Variants in ARMC8 observed in about 807,000 individuals in gnomAD.
ARMC8 encodes armadillo repeat-containing protein 8.
A neutral mutation model predicts 99.3 loss-of-function variants in ARMC8; 20 were observed. That is an observed-to-expected ratio of 0.20 (90% CI 0.14 to 0.29). The LOEUF is 0.29. ARMC8 is among the 10% of genes least tolerant of loss of function. The pLI is 1.00. For synonymous variants in ARMC8, 263 were observed against 278.3 expected (o/e 0.95, Z 0.55); for missense variants, 569 against 809.5 (o/e 0.70, Z 3.60).
chr3:138,200,554 C>G (rs949786417), intron 1 of ARMC8, among the ~76,000 whole-genome samples: 1 of 152,160 alleles, frequency 6.6e-6, no homozygotes, highest in African/African-American at 2.4e-5. Flanking sequence ...CCCAGGACAT[C>G]TAGCATCTTT....
intron 9 of ARMC8, chr3:138,238,669 A>G (rs1355322990): frequency 3.9e-5 from 6 of 152,238 alleles, no homozygotes; most frequent in Non-Finnish European, 5.9e-5. Flanking sequence ...GAAAAACAAT[A>G]TGGTAACAAG....
chr3:138,270,007 G>T, intron 15 of ARMC8, 33 bp from the exon 16 acceptor site: 2 of 1,480,328 alleles, frequency 1.4e-6, no homozygotes, highest in Non-Finnish European at 1.9e-6. Flanking sequence ...GGACTTTAAA[G>T]CTGTGATTTT....
rs577908384 is a variant in ARMC8 at position 138,229,401 on chromosome 3, T to C, written c.528+391T>C. ...TAGATTTATTTGTCCAGTCCTCTAT[T>C]GTGGAGCATTTAGTTTGTTTCCAGT... On this transcript the variant is annotated intron_variant, in intron 6 of 21. Transcript: ENST00000469044. Among the ~76,000 whole-genome samples the C allele has an allele frequency of 2.0e-5, 3 of 150,700 alleles. No individual in the cohort carries two copies. The East Asian group carries it at 5.8e-4, about 29-fold the overall frequency.
chr3:138,270,461 A>G (rs990414256), intron 16 of ARMC8, among the ~76,000 whole-genome samples: 1 of 152,210 alleles, frequency 6.6e-6, no homozygotes, highest in Non-Finnish European at 1.5e-5. Context: ...AAGCACTTTC[A>G]TATCTCCTTT....
intron 2 of ARMC8, among the ~76,000 whole-genome samples, 171 bp downstream of exon 2, chr3:138,210,064 T>G (rs1382565521): frequency 6.6e-6 from 1 of 152,256 alleles, no homozygotes; most frequent in Non-Finnish European, 1.5e-5. Context: ...CATAAAGAAT[T>G]GTCTTTTGAA....
chr3:138,292,967 G>A (rs1180176578), intron 21 of ARMC8, among the ~76,000 whole-genome samples: 2 of 152,142 alleles, frequency 1.3e-5, no homozygotes, highest in Non-Finnish European at 2.9e-5. Context: ...GACGGTGGCC[G>A]TTTATCCTTC....
chr3:138,187,953 AC>A (rs2043163134), intron 1 of ARMC8: 1 of 339,740 alleles, frequency 2.9e-6, no homozygotes, highest in African/African-American at 2.1e-5. Flanking sequence ...CGGGGGCCGA[AC>A]GCTCTGCCTT....
intron 12 of ARMC8, among the ~76,000 whole-genome samples, chr3:138,248,869 T>C (rs955332385): frequency 2.0e-5 from 3 of 152,222 alleles, no homozygotes; most frequent in African/African-American, 7.2e-5. Flanking sequence ...AGTAAACACA[T>C]TGCAAATGTT....
At chr3:138,278,327 G>A (rs2049511429) in intron 18 of ARMC8, among the ~76,000 whole-genome samples, 1 of 152,008 alleles carries the variant, frequency 6.6e-6, no homozygotes, top group South Asian at 2.1e-4. Flanking sequence ...GCAACATGGT[G>A]AAGCCCTGTC....
intron 11 of ARMC8, among the ~76,000 whole-genome samples, chr3:138,242,537 T>C (rs2046676572): frequency 6.6e-6 from 1 of 152,210 alleles, no homozygotes; most frequent in Non-Finnish European, 1.5e-5. Context: ...CTAAGTTCCT[T>C]AGAATAGATC....
At chr3:138,239,385 T>A in intron 9 of ARMC8, 83 bp from the exon 10 acceptor site, 5 of 1,092,722 alleles carry the variant, frequency 4.6e-6, no homozygotes, top group Admixed American at 2.4e-5. Context: ...TTCGATTTTT[T>A]AATAAAATCT....
At chr3:138,287,190 G>T (rs747483871) in intron 19 of ARMC8, among the ~76,000 whole-genome samples, 3 of 152,156 alleles carry the variant, frequency 2.0e-5, no homozygotes, top group Non-Finnish European at 2.9e-5. Flanking sequence ...TCTTTCAGGG[G>T]CTTCCTCTCA....
intron 18 of ARMC8, among the ~76,000 whole-genome samples, chr3:138,278,710 T>G (rs2049559404): frequency 6.6e-6 from 1 of 152,210 alleles, no homozygotes; most frequent in African/African-American, 2.4e-5. Context: ...CCCAATTATT[T>G]AGGTCTTCTT....
At chr3:138,283,214 A>G (rs1268469766) in intron 18 of ARMC8, among the ~76,000 whole-genome samples, 1 of 152,236 alleles carries the variant, frequency 6.6e-6, no homozygotes, top group Non-Finnish European at 1.5e-5. Flanking sequence ...TAGGAGAAAT[A>G]AAACCACACA....
chr3:138,233,920 G>A (rs1431180517), intron 6 of ARMC8, among the ~76,000 whole-genome samples: 2 of 152,090 alleles, frequency 1.3e-5, no homozygotes, highest in South Asian at 2.1e-4. Context: ...ATTGGATAAG[G>A]TTGGACATAA....
chr3:138,296,219 T>A lies in ARMC8; in HGVS notation c.*327T>A, dbSNP rs2051470743. The A allele has an allele frequency of 7.8e-6, 2 of 255,030 alleles. No individual in the cohort carries two copies. Among genetic ancestry groups the A allele is most frequent in the Admixed American group, 5.5e-5 (1 of 18,068 alleles). The allele number at this position is 255,030 out of a possible 1,614,324, so 15.8% of individuals were successfully genotyped here. A position where few individuals can be genotyped will look rare whatever the true frequency, so the allele number is the denominator to read the frequency against. On this transcript the variant is annotated 3_prime_UTR_variant, in exon 22 of 22. Coordinates refer to ENST00000469044, the MANE Select transcript of ARMC8 (RefSeq NM_001363941.2). ...CTTTGTGAGTGAGAATGAATATGTC[T>A]GTGTGAACACACAGGCATGCGTGTG...
chr3:138,269,050 TAG>T (rs1175944913), intron 15 of ARMC8, among the ~76,000 whole-genome samples: 1 of 152,136 alleles, frequency 6.6e-6, no homozygotes, highest in Non-Finnish European at 1.5e-5. Context: ...TCAGAAAAGA[TAG>T]ATAATGTGGA....
intron 20 of ARMC8, 95 bp downstream of exon 20, chr3:138,289,215 C>A: frequency 1.0e-6 from 1 of 979,528 alleles, no homozygotes; most frequent in East Asian, 2.6e-5. Flanking sequence ...TGGGCAGAGG[C>A]TCTGTTCTTG....
chr3:138,194,796 G>C (rs2043618679), intron 1 of ARMC8, among the ~76,000 whole-genome samples: 1 of 151,872 alleles, frequency 6.6e-6, no homozygotes, highest in South Asian at 2.1e-4. Flanking sequence ...TCCATAACTG[G>C]CAATAATTAG....
Sources: allele counts gnomAD v4.1 joint callset (sites outside exome capture counted in the v4.1 genomes callset), GRCh38; gene constraint gnomAD v4.1.1; transcripts MANE v1.5; gene names NCBI Gene and HGNC (gene_info 2026-07-23, HGNC 2026-07-21).